Variants in SIK3 observed in about 807,000 individuals in gnomAD.
The protein encoded by SIK3 is serine/threonine-protein kinase SIK3.
SIK3 carries 28 observed loss-of-function variants against 144.2 expected under a neutral mutation model. The observed-to-expected ratio is 0.19, with a 90% confidence interval of 0.14 to 0.27. SIK3 has a LOEUF of 0.27. SIK3 is among the 10% of genes least tolerant of loss of function. The pLI is 1.00. For missense variants in SIK3, 1,319 were observed against 1,776.0 expected, an observed-to-expected ratio of 0.74 and a Z score of 4.62; for synonymous variants, 686 against 676.3, an observed-to-expected ratio of 1.01 and a Z score of -0.22.
chr11:116,947,236 T>TAATATATTATATATAAATTATTA (rs1565487382), intron 3 of SIK3, among the ~76,000 whole-genome samples: 2 of 95,822 alleles, frequency 2.1e-5, no homozygotes, highest in Non-Finnish European at 4.1e-5. Context: ...TATTTATATA[T>TAATATATTATATATAAATTATTA]TTTATATATA....
intron 4 of SIK3, among the ~76,000 whole-genome samples, chr11:116,917,206 C>T (rs962361745): frequency 6.6e-6 from 1 of 152,082 alleles, no homozygotes; most frequent in Non-Finnish European, 1.5e-5. Context: ...CCCTTCCCAA[C>T]ATCAACTTGC....
intron 4 of SIK3, among the ~76,000 whole-genome samples, chr11:116,922,907 CTTTTTT>C (rs202058609): frequency 1.3e-4 from 13 of 102,176 alleles, no homozygotes; most frequent in East Asian, 1.1e-3. Flanking sequence ...TTTCTTTTCT[CTTTTTT>C]TTTTTTTTTT....
chr11:117,076,218 AG>A (rs1222553245), intron 1 of SIK3, among the ~76,000 whole-genome samples: 2 of 152,142 alleles, frequency 1.3e-5, no homozygotes, highest in Non-Finnish European at 2.9e-5. Flanking sequence ...TCTCTAAATC[AG>A]AACACTTCCT....
At chr11:116,877,077 G>A (rs1944295498) in intron 6 of SIK3, 35 bp from the exon 7 acceptor site, 1 of 1,589,064 alleles carries the variant, frequency 6.3e-7, no homozygotes, top group African/African-American at 1.3e-5. Flanking sequence ...TCAGTCTCTG[G>A]TGAGGGGAGG....
chr11:117,069,010 G>A (rs1027073788), intron 1 of SIK3, among the ~76,000 whole-genome samples: 3 of 152,152 alleles, frequency 2.0e-5, no homozygotes, highest in African/African-American at 7.2e-5. Context: ...TCTCAGTGAT[G>A]CTGCACTACA....
chr11:116,892,460 G>C (rs183195485), intron 6 of SIK3, among the ~76,000 whole-genome samples: 2 of 152,262 alleles, frequency 1.3e-5, no homozygotes, highest in East Asian at 3.9e-4. Context: ...ATAAGCATAA[G>C]AAAAGATGCT....
At chr11:116,880,110 A>G (rs1444052241) in intron 6 of SIK3, among the ~76,000 whole-genome samples, 1 of 152,190 alleles carries the variant, frequency 6.6e-6, no homozygotes, top group East Asian at 1.9e-4. Context: ...GCTTTAAAAC[A>G]GATTTTTTCC....
chr11:116,924,751 C>T (rs1419167845), intron 4 of SIK3, among the ~76,000 whole-genome samples: 3 of 152,168 alleles, frequency 2.0e-5, no homozygotes, highest in African/African-American at 4.8e-5. Context: ...GTCTTCAATG[C>T]TTGGTGGGGG....
intron 13 of SIK3, 115 bp downstream of exon 13, chr11:116,873,366 T>C (rs1339479975): frequency 7.1e-7 from 1 of 1,417,492 alleles, no homozygotes; most frequent in East Asian, 2.3e-5. Context: ...ATCCTAAGTT[T>C]GGAGAAAAAG....
chr11:116,924,415 T>C (rs1443076987), intron 4 of SIK3, among the ~76,000 whole-genome samples: 1 of 151,680 alleles, frequency 6.6e-6, no homozygotes, highest in African/African-American at 2.4e-5. Context: ...GGACGGAAAA[T>C]AAAACTAGAG....
At chr11:116,860,439 C>A (rs1349745546) in intron 19 of SIK3, among the ~76,000 whole-genome samples, 1 of 152,116 alleles carries the variant, frequency 6.6e-6, no homozygotes, top group African/African-American at 2.4e-5. Context: ...CCTAAGACGG[C>A]TGACCTCTGA....
At position 117,095,192 on chromosome 11, in the gene SIK3, TAA is replaced by T. The variant is rs3057848; in HGVS notation, c.273+2949_273+2950del. ...GTTCTTGGAATGGGTCATGTGTGTTTAAAAAAAAAAAAAAAAAAAAAAAGGAG... is the reference window on the plus strand; with the variant it reads ...GTTCTTGGAATGGGTCATGTGTGTTTAAAAAAAAAAAAAAAAAAAAAGGAG... On this transcript the variant is annotated intron_variant, in intron 1 of 24. Transcript: ENST00000445177. Among the ~76,000 whole-genome samples the T allele has an allele frequency of 3.4e-3, 410 of 122,176 alleles. 3 individuals carry two copies. The highest frequency in any genetic ancestry group is 4.6e-3 in the Middle Eastern group (1 of 216). 80.2% of individuals were successfully genotyped at this position (122,176 alleles called of 152,430 possible). A position where few individuals can be genotyped will look rare whatever the true frequency, so the allele number is the denominator to read the frequency against.
At chr11:117,023,621 A>AAAAATAT (rs754624841) in intron 1 of SIK3, among the ~76,000 whole-genome samples, 54 of 95,382 alleles carry the variant, frequency 5.7e-4, no homozygotes, top group African/African-American at 1.0e-3. Flanking sequence ...AAAAAAAAAA[A>AAAAATAT]ATATATATAT....
chr11:116,881,437 T>C (rs1189191593), intron 6 of SIK3, among the ~76,000 whole-genome samples: 2 of 152,208 alleles, frequency 1.3e-5, no homozygotes, highest in Non-Finnish European at 2.9e-5. Flanking sequence ...GCCAGGCATT[T>C]GGATGACTTT....
intron 3 of SIK3, among the ~76,000 whole-genome samples, chr11:116,941,248 C>T (rs1444253567): frequency 2.6e-5 from 4 of 151,944 alleles, no homozygotes; most frequent in Non-Finnish European, 4.4e-5. Context: ...CCTCGTGATC[C>T]GCCCGCCTCA....
At chr11:116,928,569 C>T (rs527956676) in intron 3 of SIK3, among the ~76,000 whole-genome samples, 1 of 152,268 alleles carries the variant, frequency 6.6e-6, no homozygotes, top group South Asian at 2.1e-4. Context: ...ATCTTTCCTT[C>T]ACCACAAAGA....
chr11:117,078,666 G>A (rs1277613914), intron 1 of SIK3, among the ~76,000 whole-genome samples: 1 of 152,018 alleles, frequency 6.6e-6, no homozygotes, highest in Non-Finnish European at 1.5e-5. Flanking sequence ...GCCTCCCAAA[G>A]TGCTGGGATT....
intron 1 of SIK3, among the ~76,000 whole-genome samples, chr11:116,965,734 A>T (rs867502555): frequency 5.7e-4 from 68 of 118,344 alleles, no homozygotes; most frequent in Middle Eastern, 4.1e-3. Context: ...TCTCTGCTAA[A>T]ATATATATAT....
At chr11:117,096,075 TAC>T (rs1204929186) in intron 1 of SIK3, among the ~76,000 whole-genome samples, 3 of 152,134 alleles carry the variant, frequency 2.0e-5, no homozygotes, top group Non-Finnish European at 2.9e-5. Context: ...CACGCACATA[TAC>T]ACACACATGA....
Sources: gnomAD v4.1 joint callset for allele counts (sites outside exome capture counted in the v4.1 genomes callset) on GRCh38, gnomAD v4.1.1 for gene constraint, MANE v1.5 for transcripts, NCBI Gene and HGNC (gene_info 2026-07-23, HGNC 2026-07-21) for gene names.